ADORA2B: variants seen among roughly 807,000 people sequenced by gnomAD.
ADORA2B encodes the protein adenosine receptor A2b.
ADORA2B carries 18 observed loss-of-function variants against 20.8 expected under a neutral mutation model. The ratio of observed to expected loss-of-function variants is 0.87; its 90% CI spans 0.60 to 1.29. The LOEUF is 1.29. Among genes scored for constraint, ADORA2B ranks in the 50% most tolerant of loss-of-function variants. The pLI is 0.00. For missense variants in ADORA2B, 441 were observed against 422.7 expected, an observed-to-expected ratio of 1.04 and a Z score of -0.38; for synonymous variants, 179 against 178.3, an observed-to-expected ratio of 1.00 and a Z score of -0.03.
chr17:15,872,294 C>T, the ADORA2B span, among the ~76,000 whole-genome samples: 1 of 152,086 alleles, frequency 6.6e-6, no homozygotes, highest in East Asian at 1.9e-4. Flanking sequence ...TCTTTTATAC[C>T]AGTACCATGC....
chr17:15,951,598 G>T (rs1969902668), intron 1 of ADORA2B, among the ~76,000 whole-genome samples: 1 of 152,256 alleles, frequency 6.6e-6, no homozygotes, highest in African/African-American at 2.4e-5. Flanking sequence ...TGATTCCAGA[G>T]GACACACACA....
intron 1 of ADORA2B, chr17:15,974,222 C>T (rs906784423): frequency 6.2e-6 from 1 of 161,504 alleles, no homozygotes; most frequent in African/African-American, 2.4e-5. Flanking sequence ...AGTCTGTTTA[C>T]ACGTCCACTT....
the ADORA2B span, among the ~76,000 whole-genome samples, chr17:15,878,921 G>T: frequency 1.3e-5 from 2 of 152,052 alleles, no homozygotes; most frequent in South Asian, 2.1e-4. Flanking sequence ...TACATATCTG[G>T]GGGCAAAATT....
At chr17:15,914,083 T>C in the ADORA2B span, among the ~76,000 whole-genome samples, 1 of 152,170 alleles carries the variant, frequency 6.6e-6, no homozygotes, top group Non-Finnish European at 1.5e-5. Flanking sequence ...CATGGGGACA[T>C]GCAGCTCATG....
At chr17:15,892,140 C>T in the ADORA2B span, among the ~76,000 whole-genome samples, 13 of 150,244 alleles carry the variant, frequency 8.7e-5, no homozygotes, top group South Asian at 2.5e-3. Context: ...GTATTACAGG[C>T]GTGAGCCACT....
chr17:15,951,219 G>A (rs1201912240), intron 1 of ADORA2B, among the ~76,000 whole-genome samples: 2 of 152,212 alleles, frequency 1.3e-5, no homozygotes, highest in African/African-American at 4.8e-5. Context: ...ACCGTCTTCT[G>A]AAAACATCTC....
rs1485066717 is a variant in ADORA2B at position 15,945,503 on chromosome 17, G to T, written c.255G>T (p.Val85=). ...GCTGCCTCTTCCTCGCCTGCTTCGTGCTGGTGCTCACGCAGAGCTCCATCT... is the reference window on the plus strand; with the variant it reads ...GCTGCCTCTTCCTCGCCTGCTTCGTTCTGGTGCTCACGCAGAGCTCCATCT... The part of the protein sequence containing the change: ...FYGCLFLACF[V]LVLTQSSIFS... Residue 85 remains valine (V), a synonymous_variant, in exon 1 of 2, where the codon GTG becomes GTT. Coordinates refer to ENST00000304222, the MANE Select transcript of ADORA2B (RefSeq NM_000676.4). 1 of 1,610,714 alleles carries T rather than the reference G, an allele frequency of 6.2e-7. No individual in the cohort carries two copies. Among genetic ancestry groups the T allele is most frequent in the South Asian group, 1.1e-5 (1 of 90,776 alleles).
At chr17:15,898,356 C>T in the ADORA2B span, among the ~76,000 whole-genome samples, 9 of 151,890 alleles carry the variant, frequency 5.9e-5, no homozygotes, top group African/African-American at 1.5e-4. Flanking sequence ...TGCAATGGCG[C>T]GATCTCGGCT....
Position 15,975,035 on chromosome 17 carries a change from A to G in ADORA2B, c.692A>G (p.His231Arg). ...HSRTTLQREI[H>R]AAKSLAMIVG... ...AGGACCACCCTCCAGCGGGAGATCC[A>G]TGCAGCCAAGTCACTGGCCATGATT... The change falls in exon 2 of 2, where the codon CAT becomes CGT. Residue 231 changes from histidine to arginine, a missense_variant. Physicochemically the swap from His to Arg is conservative, Grantham distance 29. Transcript: ENST00000304222. 1 of 1,614,208 alleles carries G rather than the reference A, an allele frequency of 6.2e-7. No individual in the cohort carries two copies. Among genetic ancestry groups the G allele is most frequent in the South Asian group, 1.1e-5 (1 of 91,080 alleles).
At chr17:15,911,511 G>A in the ADORA2B span, among the ~76,000 whole-genome samples, 1 of 152,268 alleles carries the variant, frequency 6.6e-6, no homozygotes, top group East Asian at 1.9e-4. Context: ...GCTGGATGGT[G>A]TTGTGGTTTC....
At chr17:15,888,083 A>G in the ADORA2B span, among the ~76,000 whole-genome samples, 1 of 127,766 alleles carries the variant, frequency 7.8e-6, no homozygotes, top group Non-Finnish European at 1.6e-5. Context: ...CAGAATTGGA[A>G]AAGAATTCCA....
chr17:15,865,349 C>T, the ADORA2B span, among the ~76,000 whole-genome samples: 1 of 151,746 alleles, frequency 6.6e-6, no homozygotes, highest in East Asian at 1.9e-4. Context: ...GCAACCTCTG[C>T]CTCCCGGGTT....
At chr17:15,910,952 T>G in the ADORA2B span, among the ~76,000 whole-genome samples, 31 of 152,144 alleles carry the variant, frequency 2.0e-4, no homozygotes, top group Non-Finnish European at 8.8e-5. Flanking sequence ...CAGGGCACCG[T>G]TTTGAAAACT....
intron 1 of ADORA2B, among the ~76,000 whole-genome samples, chr17:15,946,987 G>T (rs1261459682): frequency 6.6e-6 from 1 of 152,214 alleles, no homozygotes; most frequent in Admixed American, 6.5e-5. Context: ...GATGTGTTGG[G>T]CCTGGTCCTT....
At chr17:15,857,456 C>T in the ADORA2B span, among the ~76,000 whole-genome samples, 1 of 152,174 alleles carries the variant, frequency 6.6e-6, no homozygotes, top group Non-Finnish European at 1.5e-5. Flanking sequence ...AATGGTAGAT[C>T]CACTGACAGT....
At chr17:15,875,953 A>C in the ADORA2B span, among the ~76,000 whole-genome samples, 3 of 152,236 alleles carry the variant, frequency 2.0e-5, no homozygotes, top group Non-Finnish European at 2.9e-5. Flanking sequence ...CACATATCAC[A>C]GGGGTCAGGG....
the ADORA2B span, among the ~76,000 whole-genome samples, chr17:15,861,969 C>T: frequency 6.6e-6 from 1 of 152,138 alleles, no homozygotes; most frequent in African/African-American, 2.4e-5. Flanking sequence ...CAGAATGGCC[C>T]AGCCTCTCCC....
chr17:15,929,613 C>G, the ADORA2B span, among the ~76,000 whole-genome samples: 1 of 152,170 alleles, frequency 6.6e-6, no homozygotes, highest in African/African-American at 2.4e-5. Context: ...TGGAAGCAAC[C>G]CAAGCATCCA....
At chr17:15,895,272 A>G in the ADORA2B span, among the ~76,000 whole-genome samples, 5 of 152,246 alleles carry the variant, frequency 3.3e-5, no homozygotes, top group African/African-American at 7.2e-5. Flanking sequence ...TCTGGGTACC[A>G]TGCCTATCGA....
Sources: allele counts gnomAD v4.1 joint callset (sites outside exome capture counted in the v4.1 genomes callset), GRCh38; gene constraint gnomAD v4.1.1; transcripts MANE v1.5; gene names NCBI Gene and HGNC (gene_info 2026-07-23, HGNC 2026-07-21).